The following DCC variants were observed in gnomAD, a reference collection of about 807,000 sequenced individuals.
DCC encodes the protein DCC netrin 1 receptor, also known as netrin receptor DCC.
Under a neutral mutation model 172.5 loss-of-function variants are expected in DCC, and 58 were observed. That is an observed-to-expected ratio of 0.34 (90% CI 0.27 to 0.42). The LOEUF (loss-of-function observed/expected upper bound fraction) is 0.42, where lower values mean the gene tolerates loss of function less well. DCC is among the 10% of genes least tolerant of loss of function. DCC has a pLI of 1.00. For synonymous variants in DCC, 709 were observed against 644.5 expected (o/e 1.10, Z -1.52); for missense variants, 1,740 against 1,791.0 (o/e 0.97, Z 0.51).
intron 12 of DCC, among the ~76,000 whole-genome samples, chr18:53,302,238 T>G (rs1219663431): frequency 2.0e-5 from 3 of 152,120 alleles, no homozygotes; most frequent in African/African-American, 7.2e-5. Flanking sequence ...AACATATGAC[T>G]CTTGGTGGTC....
chr18:53,526,556 TG>T (rs1441639651), intron 27 of DCC, 60 bp from the exon 28 acceptor site: 1 of 1,550,206 alleles, frequency 6.5e-7, no homozygotes, highest in Non-Finnish European at 8.9e-7. Flanking sequence ...TGTATATACT[TG>T]AGAAAGTGTT....
intron 1 of DCC, among the ~76,000 whole-genome samples, chr18:52,669,014 G>A (rs1469963794): frequency 6.6e-6 from 1 of 152,206 alleles, no homozygotes; most frequent in East Asian, 1.9e-4. Flanking sequence ...GAGACCTGGA[G>A]TTTTGTTATT....
intron 1 of DCC, among the ~76,000 whole-genome samples, chr18:52,370,833 AT>A (rs1022442906): frequency 1.3e-5 from 2 of 152,238 alleles, no homozygotes; most frequent in East Asian, 3.8e-4. Flanking sequence ...TTTAAAAAAT[AT>A]TTTTTGATGG....
chr18:52,361,432 C>T (rs1218324704), intron 1 of DCC, among the ~76,000 whole-genome samples: 2 of 152,110 alleles, frequency 1.3e-5, no homozygotes, highest in African/African-American at 4.8e-5. Context: ...AAAAAGAAAA[C>T]CTCAAATATT....
At chr18:53,381,889 C>A (rs185538919) in intron 15 of DCC, among the ~76,000 whole-genome samples, 2 of 151,900 alleles carry the variant, frequency 1.3e-5, no homozygotes, top group Non-Finnish European at 2.9e-5. Flanking sequence ...ATCTGGATTT[C>A]CAGATAATCT....
At chr18:53,306,099 G>T (rs2057197191) in intron 13 of DCC, among the ~76,000 whole-genome samples, 1 of 152,026 alleles carries the variant, frequency 6.6e-6, no homozygotes. Context: ...ATATTCAGGG[G>T]TGAGAATGGG....
intron 2 of DCC, among the ~76,000 whole-genome samples, chr18:52,760,724 G>A (rs1207431085): frequency 1.3e-5 from 2 of 152,016 alleles, no homozygotes; most frequent in Non-Finnish European, 2.9e-5. Flanking sequence ...CTCAATAACT[G>A]TATACAAACA....
chr18:53,077,646 G>A (rs2042741826), intron 7 of DCC, among the ~76,000 whole-genome samples: 1 of 152,104 alleles, frequency 6.6e-6, no homozygotes, highest in Non-Finnish European at 1.5e-5. Flanking sequence ...TTTGTGAGTA[G>A]GGAAACTGCT....
At chr18:52,600,045 A>T (rs8094290) in intron 1 of DCC, among the ~76,000 whole-genome samples, 6,499 of 152,166 alleles carry the variant, frequency 0.043, 263 homozygotes, top group East Asian at 0.091. Context: ...GTTTTGCTTT[A>T]TTTCTGCCTT....
At chr18:52,986,890 T>G (rs1670817668) in intron 5 of DCC, among the ~76,000 whole-genome samples, 1 of 151,454 alleles carries the variant, frequency 6.6e-6, no homozygotes. Flanking sequence ...TGGTGTGATC[T>G]CAGCTCACTG....
chr18:53,012,497 G>C (rs1470182655), intron 5 of DCC, among the ~76,000 whole-genome samples: 1 of 152,014 alleles, frequency 6.6e-6, no homozygotes, highest in Non-Finnish European at 1.5e-5. Context: ...ACTCAGAATA[G>C]AGGTTATTCC....
chr18:53,305,450 C>A, intron 12 of DCC, 128 bp from the exon 13 acceptor site: 1 of 743,262 alleles, frequency 1.3e-6, no homozygotes, highest in Non-Finnish European at 2.4e-6. Flanking sequence ...TAATTTGTCT[C>A]TAAGTGGCAA....
intron 2 of DCC, among the ~76,000 whole-genome samples, chr18:52,824,133 G>A (rs2038461755): frequency 1.3e-5 from 2 of 152,176 alleles, no homozygotes; most frequent in Admixed American, 1.3e-4. Flanking sequence ...TTCTCAAGAT[G>A]GCTTCGACAC....
intron 12 of DCC, among the ~76,000 whole-genome samples, chr18:53,267,483 G>A (rs181748762): frequency 7.9e-5 from 12 of 151,924 alleles, no homozygotes; most frequent in Admixed American, 5.2e-4. Flanking sequence ...CACTGTGCCC[G>A]GCCAATATTC....
intron 1 of DCC, among the ~76,000 whole-genome samples, chr18:52,344,195 G>T (rs911578401): frequency 5.3e-5 from 8 of 152,270 alleles, no homozygotes; most frequent in African/African-American, 1.7e-4. Flanking sequence ...CTTCCTTATT[G>T]TTTTCATTGA....
In DCC at chr18:52,497,274, AAAAAAAATATAT is replaced by A. The variant is rs1206141745; in HGVS notation, c.91+156398_91+156409del. The stretch of plus-strand genomic sequence containing the variant: ...AGACCCTGTATCAAAAAAAAAAAAA[AAAAAAAATATAT>A]ATATATATATATATATATATATATA... On this transcript the variant is annotated intron_variant, in intron 1 of 28. Transcript: ENST00000442544. 1.3e-4 allele frequency among the ~76,000 whole-genome samples: 11 copies of A among 84,142 alleles called. 1 individual carries two copies. The highest frequency in any genetic ancestry group is 6.7e-4 in the East Asian group (2 of 2,964). 55.2% of individuals were successfully genotyped at this position (84,142 alleles called of 152,430 possible). A position where few individuals can be genotyped will look rare whatever the true frequency, so the allele number is the denominator to read the frequency against.
chr18:52,827,386 G>A (rs2038530442), intron 2 of DCC, among the ~76,000 whole-genome samples: 1 of 152,172 alleles, frequency 6.6e-6, no homozygotes, highest in Non-Finnish European at 1.5e-5. Context: ...TTTTGATATA[G>A]CATAGCTAGC....
At chr18:53,304,545 A>G (rs558158716) in intron 12 of DCC, among the ~76,000 whole-genome samples, 2 of 152,064 alleles carry the variant, frequency 1.3e-5, no homozygotes, top group Non-Finnish European at 2.9e-5. Flanking sequence ...CCTGTGTTTA[A>G]TATCTCTGAA....
At chr18:53,054,216 T>C (rs2042372230) in intron 5 of DCC, among the ~76,000 whole-genome samples, 1 of 152,108 alleles carries the variant, frequency 6.6e-6, no homozygotes, top group Non-Finnish European at 1.5e-5. Flanking sequence ...TATAGTTGTA[T>C]TGTTATTTTT....
Sources: gnomAD v4.1 joint callset for allele counts (sites outside exome capture counted in the v4.1 genomes callset) on GRCh38, gnomAD v4.1.1 for gene constraint, MANE v1.5 for transcripts, NCBI Gene and HGNC (gene_info 2026-07-23, HGNC 2026-07-21) for gene names.